Variants in PRR5L observed in about 807,000 individuals in gnomAD.
PRR5L encodes the protein proline-rich protein 5-like.
Under a neutral mutation model 36.4 loss-of-function variants are expected in PRR5L, and 21 were observed. The ratio of observed to expected loss-of-function variants is 0.58; its 90% CI spans 0.41 to 0.83. The LOEUF (loss-of-function observed/expected upper bound fraction) is 0.83, where lower values mean the gene tolerates loss of function less well. Ranked by LOEUF, PRR5L falls within the 40% of genes least tolerant of loss-of-function variation. The pLI is 0.00. For synonymous variants in PRR5L, 188 were observed against 197.0 expected (o/e 0.95, Z 0.38); for missense variants, 381 against 473.3 (o/e 0.80, Z 1.81).
chr11:36,322,097 ACTC>A lies in PRR5L; in HGVS notation c.-126+25663_-126+25665del, dbSNP rs547247457. Among the ~76,000 whole-genome samples, 324 of 152,292 alleles carry A rather than the reference ACTC, an allele frequency of 2.1e-3. 1 individual carries two copies. The highest frequency in any genetic ancestry group is 7.5e-3 in the African/African-American group (310 of 41,552). ...AACAGTCTCCCCAGCCCTCAGGTCT[ACTC>A]CTCAGAATCACTATTTTGAACAGTT... is the stretch of plus-strand genomic sequence containing the variant. On this transcript the variant is annotated intron_variant, in intron 1 of 8. Coordinates refer to ENST00000530639, the MANE Select transcript of PRR5L (RefSeq NM_001160167.2).
At chr11:36,389,133 C>T (rs1290353920) in intron 1 of PRR5L, among the ~76,000 whole-genome samples, 1 of 152,140 alleles carries the variant, frequency 6.6e-6, no homozygotes, top group African/African-American at 2.4e-5. Context: ...AGTAAAAACC[C>T]ATGTTACATA....
chr11:36,297,221 C>T lies in PRR5L; in HGVS notation c.-126+783C>T, dbSNP rs184932111. The T allele has an allele frequency of 3.3e-4, 51 of 152,330 alleles. 1 individual carries two copies. The highest frequency in any genetic ancestry group is 2.5e-3 in the Admixed American group (39 of 15,298). The allele number at this position is 152,330 out of a possible 1,614,324, so 9.4% of individuals were successfully genotyped here. ...ATGGGAATCTTAGACCCGCCCAGCC[C>T]TGCTGGTCTGGAGTTATTCTGCTTC... On this transcript the variant is annotated intron_variant, in intron 1 of 8. Transcript: ENST00000530639.
chr11:36,342,021 G>T (rs1856821863), intron 1 of PRR5L, among the ~76,000 whole-genome samples: 1 of 152,204 alleles, frequency 6.6e-6, no homozygotes, highest in South Asian at 2.1e-4. Context: ...CCATCTACAA[G>T]CCCGTCTCTG....
intron 1 of PRR5L, among the ~76,000 whole-genome samples, chr11:36,351,659 A>ATATT (rs1565409267): frequency 8.0e-4 from 1 of 1,246 alleles, no homozygotes; most frequent in African/African-American, 3.2e-3. Flanking sequence ...ATTTATATAA[A>ATATT]TATATATTTA....
intron 1 of PRR5L, among the ~76,000 whole-genome samples, chr11:36,341,685 T>C (rs1190450760): frequency 2.0e-5 from 3 of 152,186 alleles, no homozygotes; most frequent in Non-Finnish European, 2.9e-5. Flanking sequence ...TTGCCTCTCA[T>C]AAATGTTGTA....
chr11:36,449,629 G>A (rs919478740), intron 7 of PRR5L, among the ~76,000 whole-genome samples: 6 of 152,214 alleles, frequency 3.9e-5, no homozygotes, highest in East Asian at 1.9e-4. Flanking sequence ...AGGGTGTGCA[G>A]CCTGTACTCA....
At chr11:36,405,901 A>G (rs915444590) in intron 3 of PRR5L, among the ~76,000 whole-genome samples, 2 of 152,140 alleles carry the variant, frequency 1.3e-5, no homozygotes, top group Non-Finnish European at 2.9e-5. Flanking sequence ...GACACTAATC[A>G]TGTGGGCCCT....
chr11:36,444,763 T>G (rs1425735179), intron 6 of PRR5L, among the ~76,000 whole-genome samples: 1 of 152,206 alleles, frequency 6.6e-6, no homozygotes. Flanking sequence ...CATTCTATAG[T>G]TTAAATCAGA....
chr11:36,361,135 G>A (rs1449867775), intron 1 of PRR5L, among the ~76,000 whole-genome samples: 1 of 152,104 alleles, frequency 6.6e-6, no homozygotes, highest in Non-Finnish European at 1.5e-5. Context: ...ATTTTAACAA[G>A]ACTAACAACA....
At chr11:36,416,651 G>C (rs1025431920) in intron 3 of PRR5L, among the ~76,000 whole-genome samples, 1 of 152,282 alleles carries the variant, frequency 6.6e-6, no homozygotes, top group African/African-American at 2.4e-5. Flanking sequence ...TGCATTGTCT[G>C]CTCTTTAGCT....
chr11:36,462,510 A>G lies in PRR5L; in HGVS notation c.881A>G (p.Asn294Ser), dbSNP rs761190508. The stretch of plus-strand genomic sequence containing the variant: ...AGCGTGCGGCGGCACACGGTGGCCA[A>G]TGCCCACTCGGACATCCAGCTGCTG... ...CGSVRRHTVA[N>S]AHSDIQLLAM... The change falls in exon 9 of 9, where the codon AAT (asparagine) becomes AGT (serine). Residue 294 changes from asparagine to serine, a missense_variant. Coordinates refer to ENST00000530639, the MANE Select transcript of PRR5L (RefSeq NM_001160167.2). The G allele has an allele frequency of 9.3e-6, 15 of 1,608,896 alleles. No homozygotes were observed. The highest frequency in any genetic ancestry group is 4.5e-5 in the East Asian group (2 of 44,826).
chr11:36,418,598 C>T (rs1385475040), intron 3 of PRR5L, among the ~76,000 whole-genome samples: 2 of 152,032 alleles, frequency 1.3e-5, no homozygotes, highest in Admixed American at 1.3e-4. Flanking sequence ...AGATCGAGAC[C>T]ATCCTGGCTA....
intron 1 of PRR5L, among the ~76,000 whole-genome samples, chr11:36,345,311 G>A (rs775977448): frequency 1.4e-4 from 22 of 152,146 alleles, no homozygotes; most frequent in Non-Finnish European, 2.5e-4. Flanking sequence ...ATGAATCACA[G>A]AGAGATATGC....
chr11:36,422,954 T>C (rs56175619), intron 4 of PRR5L, among the ~76,000 whole-genome samples: 11,519 of 152,264 alleles, frequency 0.076, 456 homozygotes, highest in African/African-American at 0.1. Context: ...GTTCTGGATT[T>C]TCCTATTTAC....
intron 1 of PRR5L, among the ~76,000 whole-genome samples, chr11:36,355,405 T>A (rs1857015359): frequency 6.6e-6 from 1 of 152,208 alleles, no homozygotes; most frequent in African/African-American, 2.4e-5. Flanking sequence ...ACCAAGACTC[T>A]GTGAACTAGT....
intron 3 of PRR5L, among the ~76,000 whole-genome samples, chr11:36,414,324 C>G (rs1257818715): frequency 1.3e-5 from 2 of 149,114 alleles, no homozygotes; most frequent in African/African-American, 5.0e-5. Flanking sequence ...GTTTACAGTC[C>G]CACCAACAGT....
At chr11:36,409,277 A>C (rs1857975969) in intron 3 of PRR5L, among the ~76,000 whole-genome samples, 1 of 152,124 alleles carries the variant, frequency 6.6e-6, no homozygotes, top group South Asian at 2.1e-4. Context: ...GGCAGAAATA[A>C]ATGCTCAGAG....
rs545888914 is a variant in PRR5L at position 36,462,013 on chromosome 11, G to A, written c.713-329G>A. Among the ~76,000 whole-genome samples, 16 of 152,290 alleles carry A rather than the reference G, an allele frequency of 1.1e-4. 1 individual carries two copies. The highest frequency in any genetic ancestry group is 3.9e-4 in the African/African-American group (16 of 41,558). On this transcript the variant is annotated intron_variant, in intron 8 of 8. Coordinates refer to ENST00000530639, the MANE Select transcript of PRR5L (RefSeq NM_001160167.2). ...GTCCTCAGAGGACATTGATTGAAAG[G>A]GAATTTTAGGGCAAACCCAATGAAG...
intron 1 of PRR5L, among the ~76,000 whole-genome samples, chr11:36,385,757 C>T (rs2133534481): frequency 6.6e-6 from 1 of 152,322 alleles, no homozygotes; most frequent in South Asian, 2.1e-4. Context: ...AAGATTGGTC[C>T]TTAATAGAAA....
Sources: gnomAD v4.1 joint callset for allele counts (sites outside exome capture counted in the v4.1 genomes callset) on GRCh38, gnomAD v4.1.1 for gene constraint, MANE v1.5 for transcripts, NCBI Gene and HGNC (gene_info 2026-07-23, HGNC 2026-07-21) for gene names.